The following ADGRL3 variants were observed in gnomAD, a reference collection of about 807,000 sequenced individuals.
ADGRL3 encodes the protein calcium-independent alpha-latrotoxin receptor 3.
ADGRL3 carries 62 observed loss-of-function variants against 153.5 expected under a neutral mutation model. The observed-to-expected ratio is 0.40, with a 90% confidence interval of 0.33 to 0.50. The LOEUF (loss-of-function observed/expected upper bound fraction) is 0.50, where lower values mean the gene tolerates loss of function less well. ADGRL3 is among the 20% of genes least tolerant of loss of function. ADGRL3 has a pLI of 0.47. For synonymous variants in ADGRL3, 710 were observed against 672.5 expected (o/e 1.06, Z -0.86); for missense variants, 1,641 against 1,859.4 (o/e 0.88, Z 2.16).
At chr4:61,933,745 C>T (rs1008137018) in intron 13 of ADGRL3, 1 of 152,216 alleles carries the variant, frequency 6.6e-6, no homozygotes. Flanking sequence ...ACTATGAAAA[C>T]ACCAGCCAGG....
rs533236469 is a variant in ADGRL3 at position 62,007,808 on chromosome 4, A to G, written c.3395+9543A>G. On this transcript the variant is annotated intron_variant, in intron 21 of 26. Transcript: ENST00000683033. Reference sequence around the variant, plus strand: ...TCAGGGTCGATTTTATTTTAAACCCATGAGACTGGGTAAGATATTGAGATT... The same window carrying G: ...TCAGGGTCGATTTTATTTTAAACCCGTGAGACTGGGTAAGATATTGAGATT... Among the ~76,000 whole-genome samples the G allele has an allele frequency of 8.6e-5, 13 of 151,922 alleles. 1 individual carries two copies. The highest frequency in any genetic ancestry group is 4.2e-4 in the South Asian group (2 of 4,796).
At chr4:61,755,833 C>T (rs1214177427) in intron 8 of ADGRL3, among the ~76,000 whole-genome samples, 4 of 152,180 alleles carry the variant, frequency 2.6e-5, no homozygotes, top group Admixed American at 2.6e-4. Flanking sequence ...CAGCTTTCTA[C>T]ATATGGCTAG....
chr4:61,649,606 A>T (rs1286976817), intron 5 of ADGRL3, among the ~76,000 whole-genome samples: 2 of 152,096 alleles, frequency 1.3e-5, no homozygotes, highest in Non-Finnish European at 2.9e-5. Flanking sequence ...ACGTAGCAAA[A>T]CACAAAACCT....
rs529456800 is a variant in ADGRL3, at chr4:61,747,300, T to G, written c.1399+13746T>G. ...AGGTACAAGGAGGAACTGGTACCAT[T>G]CCTTCTGAAACTATTCCAATCAATA... On this transcript the variant is annotated intron_variant, in intron 8 of 26. Transcript: ENST00000683033. Among the ~76,000 whole-genome samples the G allele has an allele frequency of 8.6e-3, 1,294 of 150,674 alleles. 21 individuals carry two copies. The highest frequency in any genetic ancestry group is 0.03 in the African/African-American group (1,212 of 40,596).
At chr4:61,977,410 C>A (rs952987702) in intron 17 of ADGRL3, among the ~76,000 whole-genome samples, 5 of 152,106 alleles carry the variant, frequency 3.3e-5, no homozygotes, top group Admixed American at 6.5e-5. Context: ...ACTAACCACC[C>A]TCCACTCTCA....
At chr4:61,769,090 G>A (rs1322870060) in intron 8 of ADGRL3, among the ~76,000 whole-genome samples, 14 of 151,820 alleles carry the variant, frequency 9.2e-5, no homozygotes, top group Non-Finnish European at 1.9e-4. Context: ...GGGACTTGCC[G>A]CTAAGGGTGA....
intron 1 of ADGRL3, among the ~76,000 whole-genome samples, chr4:61,248,319 A>T (rs185906152): frequency 3.0e-4 from 45 of 152,242 alleles, no homozygotes; most frequent in African/African-American, 1.1e-3. Context: ...GAAAAGTTAA[A>T]TTAAATTATT....
chr4:61,459,383 A>G (rs1322116789), intron 2 of ADGRL3, among the ~76,000 whole-genome samples: 1 of 151,998 alleles, frequency 6.6e-6, no homozygotes, highest in Non-Finnish European at 1.5e-5. Context: ...AAAATAAGAT[A>G]CAGAATCTTC....
intron 4 of ADGRL3, among the ~76,000 whole-genome samples, chr4:61,533,473 AT>A (rs11374089): frequency 1.3e-5 from 2 of 151,644 alleles, no homozygotes; most frequent in Admixed American, 1.3e-4. Flanking sequence ...GAGCATTTGT[AT>A]TTTTTTTATC....
intron 1 of ADGRL3, among the ~76,000 whole-genome samples, chr4:61,324,637 C>G (rs1185223015): frequency 6.6e-6 from 1 of 152,002 alleles, no homozygotes; most frequent in African/African-American, 2.4e-5. Flanking sequence ...GTAATCTGCC[C>G]AATATTGCAC....
Position 61,350,352 on chromosome 4 carries a change from T to TG in ADGRL3, c.-239-32772_-239-32771insG, listed in dbSNP as rs1406500982. Among the ~76,000 whole-genome samples, 120 of 151,276 alleles carry TG rather than the reference T, an allele frequency of 7.9e-4. 1 individual carries two copies. The highest frequency in any genetic ancestry group is 2.8e-3 in the African/African-American group (116 of 41,226). On this transcript the variant is annotated intron_variant, in intron 1 of 26. Coordinates refer to ENST00000683033, the MANE Select transcript of ADGRL3 (RefSeq NM_001387552.1). ...AAACATTCTGATGGAGGTTTTTTTT[T>TG]TTTTTTTTTTCTATCTGGGGAAATG... is the stretch of plus-strand genomic sequence containing the variant.
At chr4:61,635,630 T>G (rs575280700) in intron 5 of ADGRL3, among the ~76,000 whole-genome samples, 17 of 152,184 alleles carry the variant, frequency 1.1e-4, no homozygotes, top group Admixed American at 8.5e-4. Flanking sequence ...TGAACTGAAT[T>G]TACTTAAAAC....
rs182916834 is a variant in ADGRL3, at chr4:62,035,110, T to C, written c.3592-2621T>C. Among the ~76,000 whole-genome samples the C allele has an allele frequency of 1.5e-3, 225 of 152,086 alleles. 2 individuals carry two copies. The highest frequency in any genetic ancestry group is 5.2e-3 in the African/African-American group (217 of 41,560). ...GTTTCCTGGACATGGTCCATGTTAT[T>C]TTTTTTCTTCTTTTTAAGACATATG... On this transcript the variant is annotated intron_variant, in intron 23 of 26. Transcript: ENST00000683033.
At chr4:61,213,361 T>C (rs992031865) in intron 1 of ADGRL3, among the ~76,000 whole-genome samples, 4 of 152,168 alleles carry the variant, frequency 2.6e-5, no homozygotes, top group Admixed American at 1.3e-4. Context: ...TTGTGCGTGC[T>C]TTTTCCATTC....
At chr4:62,063,704 A>G (rs1741446483) in intron 25 of ADGRL3, 3 of 547,760 alleles carry the variant, frequency 5.5e-6, no homozygotes, top group Non-Finnish European at 3.3e-6. Context: ...GGCAAATTCT[A>G]TTTTTCTTTC....
intron 15 of ADGRL3, among the ~76,000 whole-genome samples, chr4:61,938,365 ATTAC>A (rs1417444329): frequency 1.3e-5 from 2 of 152,208 alleles, no homozygotes; most frequent in African/African-American, 4.8e-5. Context: ...TCTTTAGTGA[ATTAC>A]TATGATTTGC....
At position 61,788,614 on chromosome 4, in the gene ADGRL3, T is replaced by C. The variant is rs114441555; in HGVS notation, c.1400-25195T>C. On this transcript the variant is annotated intron_variant, in intron 8 of 26. Coordinates refer to ENST00000683033, the MANE Select transcript of ADGRL3 (RefSeq NM_001387552.1). ...ACCCAGAAAAACAATTCTGGTAATT[T>C]AACAAAACAAGTTTCTTTAACACCC... 6.1e-3 allele frequency among the ~76,000 whole-genome samples: 936 copies of C among 152,196 alleles called. 10 individuals carry two copies. The highest frequency in any genetic ancestry group is 0.021 in the African/African-American group (879 of 41,518).
chr4:61,615,529 A>G (rs1420800145), intron 5 of ADGRL3, among the ~76,000 whole-genome samples: 1 of 151,950 alleles, frequency 6.6e-6, no homozygotes, highest in African/African-American at 2.4e-5. Flanking sequence ...CAAAAGAACG[A>G]AGAAGAACAG....
intron 1 of ADGRL3, among the ~76,000 whole-genome samples, chr4:61,371,269 CATT>C (rs2096523336): frequency 6.6e-6 from 1 of 151,158 alleles, no homozygotes; most frequent in South Asian, 2.1e-4. Flanking sequence ...TTGATCCTGT[CATT>C]ATGATGTTAG....
Sources: gnomAD v4.1 joint callset for allele counts (sites outside exome capture counted in the v4.1 genomes callset) on GRCh38, gnomAD v4.1.1 for gene constraint, MANE v1.5 for transcripts, NCBI Gene and HGNC (gene_info 2026-07-23, HGNC 2026-07-21) for gene names.